The following EFHC1 variants were observed in gnomAD, a reference collection of about 807,000 sequenced individuals.
The protein encoded by EFHC1 is EF-hand domain containing 1.
A neutral mutation model predicts 69.9 loss-of-function variants in EFHC1; 53 were observed. That is an observed-to-expected ratio of 0.76 (90% confidence interval 0.61 to 0.95). EFHC1 has a LOEUF of 0.95. EFHC1 is among the 40% of genes least tolerant of loss of function. The pLI, the probability that EFHC1 is intolerant of heterozygous loss-of-function variation, is 0.00. For synonymous variants in EFHC1, 256 were observed against 278.4 expected (o/e 0.92, Z 0.80); for missense variants, 739 against 798.7 (o/e 0.93, Z 0.90).
At chr6:52,469,743 TTTGCCTC>T (rs1765393989) in intron 7 of EFHC1, among the ~76,000 whole-genome samples, 1 of 152,230 alleles carries the variant, frequency 6.6e-6, no homozygotes. Flanking sequence ...TGACAGATCT[TTTGCCTC>T]TTTTATTAAG....
chr6:52,440,853 T>C (rs978276717), intron 3 of EFHC1, among the ~76,000 whole-genome samples: 12 of 152,176 alleles, frequency 7.9e-5, no homozygotes, highest in Non-Finnish European at 1.5e-4. Flanking sequence ...TGATATTTCA[T>C]TGTGGTTTTG....
chr6:52,444,600 CG>C (rs1459082728), intron 3 of EFHC1, among the ~76,000 whole-genome samples: 1 of 151,964 alleles, frequency 6.6e-6, no homozygotes, highest in Non-Finnish European at 1.5e-5. Flanking sequence ...TTTATTGATT[CG>C]TGTATGTTGA....
intron 3 of EFHC1, among the ~76,000 whole-genome samples, chr6:52,444,172 C>G (rs1338236488): frequency 2.0e-5 from 3 of 152,168 alleles, no homozygotes; most frequent in African/African-American, 7.2e-5. Context: ...TGCTTATCAG[C>G]TTAAGGAGAT....
intron 6 of EFHC1, among the ~76,000 whole-genome samples, chr6:52,468,200 G>T (rs149118467): frequency 3.3e-5 from 5 of 152,152 alleles, no homozygotes; most frequent in African/African-American, 1.2e-4. Flanking sequence ...GAAGGTTATG[G>T]TACTCTGGGG....
chr6:52,496,699 C>T lies in EFHC1; in HGVS notation c.*4358C>T, dbSNP rs913351898. The T allele has an allele frequency of 1.3e-5, 2 of 152,174 alleles. No individual in the cohort carries two copies. The highest frequency in any genetic ancestry group is 1.9e-4 in the East Asian group (1 of 5,204). The allele number at this position is 152,174 out of a possible 1,614,324, so 9.4% of individuals were successfully genotyped here. On this transcript the variant is annotated 3_prime_UTR_variant, in exon 11 of 11. Coordinates refer to ENST00000371068, the MANE Select transcript of EFHC1 (RefSeq NM_018100.4). ...TTTGACACAGATGCACAAAAAGACTCGGAAGGGTTAACTGCTTGAGTTCAC... is the reference window on the plus strand; with the variant it reads ...TTTGACACAGATGCACAAAAAGACTTGGAAGGGTTAACTGCTTGAGTTCAC...
At chr6:52,431,881 T>G (rs531552905) in intron 2 of EFHC1, among the ~76,000 whole-genome samples, 229 of 152,324 alleles carry the variant, frequency 1.5e-3, no homozygotes, top group Non-Finnish European at 2.9e-3. Context: ...GGTGCTCCAG[T>G]GTTAGGTGCA....
chr6:52,423,770 T>A, intron 1 of EFHC1, 176 bp from the exon 2 acceptor site: 1 of 1,491,778 alleles, frequency 6.7e-7, no homozygotes, highest in East Asian at 2.5e-5. Context: ...CCTCCCAGAG[T>A]TCTGGGATTA....
intron 3 of EFHC1, among the ~76,000 whole-genome samples, chr6:52,451,447 T>C (rs1764914951): frequency 6.6e-6 from 1 of 152,236 alleles, no homozygotes; most frequent in South Asian, 2.1e-4. Context: ...TCTTTAAGAA[T>C]GTTGAATATA....
intron 2 of EFHC1, among the ~76,000 whole-genome samples, chr6:52,433,330 T>C (rs1475229023): frequency 6.6e-6 from 1 of 152,216 alleles, no homozygotes. Context: ...GGTATAGGGC[T>C]CAAGGCTGTT....
chr6:52,463,211 T>TG (rs1395075650), intron 5 of EFHC1, among the ~76,000 whole-genome samples: 1 of 149,724 alleles, frequency 6.7e-6, no homozygotes, highest in Non-Finnish European at 1.5e-5. Flanking sequence ...TTTTTTTTTT[T>TG]GTATTTTTAG....
intron 4 of EFHC1, chr6:52,453,654 T>C: frequency 1.6e-6 from 2 of 1,255,956 alleles, no homozygotes; most frequent in Non-Finnish European, 2.0e-6. Context: ...GTGTTTATAT[T>C]ATTGCTAGAA....
At chr6:52,423,328 A>G (rs1764230253) in intron 1 of EFHC1, among the ~76,000 whole-genome samples, 1 of 152,252 alleles carries the variant, frequency 6.6e-6, no homozygotes, top group Non-Finnish European at 1.5e-5. Flanking sequence ...GAAAAACTTA[A>G]GAGTATAGAT....
chr6:52,491,605 G>A (rs554694502), intron 10 of EFHC1, among the ~76,000 whole-genome samples: 5 of 152,362 alleles, frequency 3.3e-5, no homozygotes, highest in African/African-American at 1.2e-4. Context: ...ACGGTTACTT[G>A]AGACATCTCT....
intron 5 of EFHC1, among the ~76,000 whole-genome samples, chr6:52,454,514 C>T (rs1028682510): frequency 3.3e-5 from 5 of 152,040 alleles, no homozygotes; most frequent in African/African-American, 1.2e-4. Flanking sequence ...ACCAAAACAA[C>T]AGTGGGAGAT....
intron 2 of EFHC1, among the ~76,000 whole-genome samples, chr6:52,437,932 T>TC (rs1302373267): frequency 6.6e-6 from 1 of 152,220 alleles, no homozygotes; most frequent in Non-Finnish European, 1.5e-5. Context: ...ATTCAACTCT[T>TC]CCCTTGTAAT....
intron 3 of EFHC1, among the ~76,000 whole-genome samples, chr6:52,448,560 C>T (rs1764841570): frequency 6.6e-6 from 1 of 152,156 alleles, no homozygotes; most frequent in Admixed American, 6.5e-5. Context: ...GGGCTGCACC[C>T]ACTGTCTGAC....
intron 2 of EFHC1, chr6:52,428,162 G>A (rs1318091832): frequency 6.6e-6 from 1 of 152,042 alleles, no homozygotes. Context: ...ACCTGGGAAA[G>A]CTGATGTTAT....
At chr6:52,448,926 G>T (rs913228444) in intron 3 of EFHC1, among the ~76,000 whole-genome samples, 2 of 152,158 alleles carry the variant, frequency 1.3e-5, no homozygotes, top group Admixed American at 6.5e-5. Context: ...CAGATATTTT[G>T]TTGAGGATAT....
At chr6:52,466,299 G>C (rs1213455772) in intron 6 of EFHC1, among the ~76,000 whole-genome samples, 1 of 152,084 alleles carries the variant, frequency 6.6e-6, no homozygotes, top group East Asian at 1.9e-4. Flanking sequence ...GCTTGCAGTT[G>C]GCCTCCAGTC....
Sources: allele counts gnomAD v4.1 joint callset (sites outside exome capture counted in the v4.1 genomes callset), GRCh38; gene constraint gnomAD v4.1.1; transcripts MANE v1.5; gene names NCBI Gene and HGNC (gene_info 2026-07-23, HGNC 2026-07-21).